LANCL3: variants seen among roughly 807,000 people sequenced by gnomAD.
The protein encoded by LANCL3 is lanC-like protein 3.
In LANCL3, 19 loss-of-function variants were observed where a neutral mutation model predicts 26.5. The ratio of observed to expected loss-of-function variants is 0.72; its 90% CI spans 0.50 to 1.05. The LOEUF is 1.05. Ranked by LOEUF, LANCL3 falls within the 50% of genes least tolerant of loss-of-function variation. LANCL3 has a pLI of 0.00. For synonymous variants in LANCL3, 160 were observed against 166.6 expected (o/e 0.96, Z 0.30); for missense variants, 318 against 362.7 (o/e 0.88, Z 1.00).
intron 1 of LANCL3, among the ~76,000 whole-genome samples, chrX:37,607,808 T>A (rs782455564): frequency 1.8e-5 from 2 of 112,101 alleles, no homozygotes; most frequent in Non-Finnish European, 3.8e-5. Flanking sequence ...ACATCAAAAT[T>A]CCTGGGCTGA....
intron 1 of LANCL3, among the ~76,000 whole-genome samples, chrX:37,608,916 A>G (rs782739669): frequency 8.9e-6 from 1 of 112,336 alleles, no homozygotes; most frequent in Admixed American, 9.4e-5. Context: ...CCAGTTAACA[A>G]ATTTATTGTC....
chrX:37,633,896 G>T (rs1256411294), intron 1 of LANCL3, among the ~76,000 whole-genome samples: 1 of 112,321 alleles, frequency 8.9e-6, no homozygotes, highest in Non-Finnish European at 1.9e-5. Flanking sequence ...GGACCCACTT[G>T]AGGAGGCAGT....
At chrX:37,644,354 T>G (rs1206067917) in intron 1 of LANCL3, among the ~76,000 whole-genome samples, 1 of 111,929 alleles carries the variant, frequency 8.9e-6, no homozygotes, top group Non-Finnish European at 1.9e-5. Flanking sequence ...ACACTAACAT[T>G]TGAGAAGCTG....
rs1182632158 is a variant in LANCL3, at chrX:37,649,713, C to T, written c.574-5975C>T. Among the ~76,000 whole-genome samples, 3 of 111,246 alleles carry T rather than the reference C, an allele frequency of 2.7e-5. No homozygotes were observed. The East Asian group carries it at 8.4e-4, about 31-fold the overall frequency. ...GGTCCATGGACCACACTTTGAGGAG[C>T]ATATACCTCTTAGAGATATCAGAGG... On this transcript the variant is annotated intron_variant, in intron 1 of 4. Transcript: ENST00000378619.
chrX:37,605,740 T>G (rs1924692239), intron 1 of LANCL3, among the ~76,000 whole-genome samples: 1 of 111,556 alleles, frequency 9.0e-6, no homozygotes, highest in Non-Finnish European at 1.9e-5. Context: ...CCTTCAGGTA[T>G]TCAATACAAT....
intron 1 of LANCL3, among the ~76,000 whole-genome samples, chrX:37,593,752 A>T (rs1924352871): frequency 2.7e-5 from 3 of 111,824 alleles, no homozygotes; most frequent in African/African-American, 9.7e-5. Context: ...CTTCACATTT[A>T]CCCCCTTCCT....
At chrX:37,580,693 C>T (rs1317039393) in intron 1 of LANCL3, among the ~76,000 whole-genome samples, 1 of 111,182 alleles carries the variant, frequency 9.0e-6, no homozygotes, top group African/African-American at 3.3e-5. Context: ...CAACTTCTCC[C>T]CTTTCCCTCC....
At chrX:37,638,712 T>A (rs1244977410) in intron 1 of LANCL3, among the ~76,000 whole-genome samples, 1 of 111,712 alleles carries the variant, frequency 9.0e-6, no homozygotes, top group Non-Finnish European at 1.9e-5. Flanking sequence ...GTGCATTTCA[T>A]ACATCTATTA....
At chrX:37,633,940 G>T (rs1925620555) in intron 1 of LANCL3, among the ~76,000 whole-genome samples, 1 of 112,203 alleles carries the variant, frequency 8.9e-6, no homozygotes. Flanking sequence ...TGTGTGCTGG[G>T]AGAACCACTG....
rs1009736113 is a variant in LANCL3 at position 37,683,744 on chromosome X, T to A, written c.*7931T>A. 1.8e-5 allele frequency: 2 copies of A among 112,092 alleles called. No homozygotes were observed. Among genetic ancestry groups the A allele is most frequent in the Non-Finnish European group, 3.8e-5 (2 of 53,236 alleles). The allele number at this position is 112,092 out of a possible 1,213,427, so 9.2% of individuals were successfully genotyped here. On this transcript the variant is annotated 3_prime_UTR_variant, in exon 5 of 5. Coordinates refer to ENST00000378619, the MANE Select transcript of LANCL3 (RefSeq NM_001170331.2). ...ACTATATCACAAAATGTCATACTACTGTATTTTATAATAAAACCAAATTCT... is the reference window on the plus strand; with the variant it reads ...ACTATATCACAAAATGTCATACTACAGTATTTTATAATAAAACCAAATTCT...
chrX:37,601,572 T>C (rs1924577771), intron 1 of LANCL3, among the ~76,000 whole-genome samples: 1 of 112,300 alleles, frequency 8.9e-6, no homozygotes, highest in Non-Finnish European at 1.9e-5. Context: ...AATAGGGTTA[T>C]TTTTCTAATA....
At position 37,683,130 on chromosome X, in the gene LANCL3, G is replaced by GT. The variant is rs1926978698; in HGVS notation, c.*7317_*7318insT. The GT allele has an allele frequency of 1.8e-5, 2 of 111,498 alleles. No homozygotes were observed. The highest frequency in any genetic ancestry group is 3.3e-5 in the African/African-American group (1 of 30,645). 9.2% of individuals were successfully genotyped at this position (111,498 alleles called of 1,213,427 possible). A position where few individuals can be genotyped will look rare whatever the true frequency, so the allele number is the denominator to read the frequency against. On this transcript the variant is annotated 3_prime_UTR_variant, in exon 5 of 5. Transcript: ENST00000378619. ...CGAATAGAATTTACTGCTCCAAAAA[G>GT]CTTTTTTGGCATAAATCACAATACT...
chrX:37,630,998 A>G (rs1343934728), intron 1 of LANCL3, among the ~76,000 whole-genome samples: 4 of 111,439 alleles, frequency 3.6e-5, no homozygotes, highest in Non-Finnish European at 7.5e-5. Flanking sequence ...CTCTTTTTCT[A>G]TTGATTGGAA....
intron 1 of LANCL3, among the ~76,000 whole-genome samples, chrX:37,628,304 T>C (rs1305988780): frequency 1.8e-5 from 2 of 110,738 alleles, no homozygotes; most frequent in Non-Finnish European, 3.8e-5. Flanking sequence ...CACATCCAAA[T>C]TGAGGGACAT....
At chrX:37,611,948 T>C (rs1377340988) in intron 1 of LANCL3, among the ~76,000 whole-genome samples, 1 of 111,121 alleles carries the variant, frequency 9.0e-6, no homozygotes, top group East Asian at 2.8e-4. Context: ...TTTTATTTTA[T>C]TTTTTGAGTT....
At chrX:37,663,686 G>A (rs2146787937) in intron 3 of LANCL3, among the ~76,000 whole-genome samples, 1 of 111,392 alleles carries the variant, frequency 9.0e-6, no homozygotes, top group South Asian at 3.9e-4. Flanking sequence ...TGGCAGACCT[G>A]GGGACAGGAG....
intron 1 of LANCL3, among the ~76,000 whole-genome samples, chrX:37,649,734 A>G (rs1354504034): frequency 9.0e-6 from 1 of 111,120 alleles, no homozygotes; most frequent in Non-Finnish European, 1.9e-5. Context: ...TAGAGATATC[A>G]GAGGTCTCAA....
intron 1 of LANCL3, among the ~76,000 whole-genome samples, chrX:37,619,744 A>G (rs1925104728): frequency 8.9e-6 from 1 of 111,903 alleles, no homozygotes; most frequent in African/African-American, 3.2e-5. Flanking sequence ...TCTTACATTC[A>G]ATTCTGTTGT....
intron 1 of LANCL3, among the ~76,000 whole-genome samples, chrX:37,631,158 T>C (rs1556424204): frequency 8.9e-6 from 1 of 111,887 alleles, no homozygotes; most frequent in Non-Finnish European, 1.9e-5. Context: ...AGAGATTCAA[T>C]TTCTTCCTGG....
Sources: gnomAD v4.1 joint callset for allele counts (sites outside exome capture counted in the v4.1 genomes callset) on GRCh38, gnomAD v4.1.1 for gene constraint, MANE v1.5 for transcripts, NCBI Gene and HGNC (gene_info 2026-07-23, HGNC 2026-07-21) for gene names.